IGSF11: variants seen among roughly 807,000 people sequenced by gnomAD.
IGSF11 encodes CXADR like 1.
IGSF11 carries 22 observed loss-of-function variants against 41.0 expected under a neutral mutation model. The ratio of observed to expected loss-of-function variants is 0.54; its 90% CI spans 0.38 to 0.77. The LOEUF (loss-of-function observed/expected upper bound fraction) is 0.77, where lower values mean the gene tolerates loss of function less well. IGSF11 is among the 30% of genes least tolerant of loss of function. The pLI, the probability that IGSF11 is intolerant of heterozygous loss-of-function variation, is 0.00. For missense variants in IGSF11, 444 were observed against 530.8 expected, an observed-to-expected ratio of 0.84 and a Z score of 1.61; for synonymous variants, 219 against 201.3, an observed-to-expected ratio of 1.09 and a Z score of -0.74.
chr3:119,063,342 A>G (rs931010123), intron 1 of IGSF11, among the ~76,000 whole-genome samples: 6 of 152,340 alleles, frequency 3.9e-5, no homozygotes, highest in African/African-American at 1.4e-4. Context: ...GGGAAAGTGG[A>G]TAATTTTTGG....
At chr3:119,051,528 T>TG (rs1363264620) in intron 1 of IGSF11, among the ~76,000 whole-genome samples, 1 of 151,720 alleles carries the variant, frequency 6.6e-6, no homozygotes, top group Admixed American at 6.6e-5. Flanking sequence ...ACAGTAAGAG[T>TG]GGGGGACTTC....
chr3:119,088,415 C>T (rs1245055421), intron 1 of IGSF11, among the ~76,000 whole-genome samples: 1 of 152,056 alleles, frequency 6.6e-6, no homozygotes, highest in Non-Finnish European at 1.5e-5. Context: ...CTCTGGGATG[C>T]AGCTAAAGTA....
At chr3:118,979,952 C>T (rs1576543453) in intron 1 of IGSF11, among the ~76,000 whole-genome samples, 2 of 151,856 alleles carry the variant, frequency 1.3e-5, no homozygotes, top group Non-Finnish European at 2.9e-5. Context: ...AAATCAAAAC[C>T]ACAATGAAGT....
intron 3 of IGSF11, among the ~76,000 whole-genome samples, chr3:118,928,192 T>A (rs905957293): frequency 6.6e-6 from 1 of 152,234 alleles, no homozygotes; most frequent in African/African-American, 2.4e-5. Context: ...TGATTTAATT[T>A]GCTCTCAACA....
intron 1 of IGSF11, among the ~76,000 whole-genome samples, chr3:119,081,785 C>T (rs1330252612): frequency 6.6e-6 from 1 of 152,154 alleles, no homozygotes; most frequent in Non-Finnish European, 1.5e-5. Context: ...AATCTTATTC[C>T]TTACATGGGT....
chr3:119,096,210 C>G (rs1343862356), intron 1 of IGSF11, among the ~76,000 whole-genome samples: 1 of 151,276 alleles, frequency 6.6e-6, no homozygotes, highest in African/African-American at 2.4e-5. Context: ...AGGGTACCTA[C>G]TGGTGGGCAT....
intron 1 of IGSF11, among the ~76,000 whole-genome samples, chr3:119,045,439 G>A (rs962086344): frequency 2.6e-5 from 4 of 152,202 alleles, no homozygotes; most frequent in African/African-American, 9.7e-5. Context: ...TTTGCGACGG[G>A]CTTAAAAAAC....
At position 118,993,627 on chromosome 3, in the gene IGSF11, G is replaced by T. The variant is rs565264310; in HGVS notation, c.52+40904C>A. Among the ~76,000 whole-genome samples the T allele has an allele frequency of 2.0e-5, 3 of 152,146 alleles. No individual in the cohort carries two copies. In the East Asian group the frequency reaches 5.8e-4, roughly 29 times the overall value. ...CCCAAATGTCCATCAACTGATGAAT[G>T]AAAAAATAAAAAGTTATATATCCAT... On this transcript the variant is annotated intron_variant, in intron 1 of 6. Coordinates refer to ENST00000393775, the MANE Select transcript of IGSF11 (RefSeq NM_001015887.3).
chr3:119,053,427 T>A (rs1388049653), intron 1 of IGSF11, among the ~76,000 whole-genome samples: 1 of 151,636 alleles, frequency 6.6e-6, no homozygotes, highest in East Asian at 1.9e-4. Flanking sequence ...TGCAAAAAAA[T>A]AAAATAAAAT....
chr3:119,110,221 GTCTAA>G (rs1490427850), intron 1 of IGSF11, among the ~76,000 whole-genome samples: 10 of 152,064 alleles, frequency 6.6e-5, no homozygotes, highest in African/African-American at 2.4e-4. Context: ...TTGTGTGGGA[GTCTAA>G]GTCTCTTTGT....
chr3:118,948,784 TG>T (rs1189860459), intron 1 of IGSF11, among the ~76,000 whole-genome samples: 1 of 151,598 alleles, frequency 6.6e-6, no homozygotes, highest in Non-Finnish European at 1.5e-5. Context: ...GCTAAAACGG[TG>T]AGACCCCGTT....
chr3:119,132,486 G>A (rs1038812974), intron 1 of IGSF11, among the ~76,000 whole-genome samples: 11 of 150,748 alleles, frequency 7.3e-5, no homozygotes, highest in Non-Finnish European at 8.8e-5. Context: ...AGGCCATTGC[G>A]TAATATTAAA....
At chr3:118,914,102 A>G (rs1257799759) in intron 4 of IGSF11, among the ~76,000 whole-genome samples, 1 of 152,172 alleles carries the variant, frequency 6.6e-6, no homozygotes, top group Non-Finnish European at 1.5e-5. Context: ...TGCATTTGAG[A>G]ACTTTAAGAA....
In IGSF11 at chr3:119,076,544, A is replaced by T. The variant is rs1343706822; in HGVS notation, c.49+28600T>A. 5.9e-5 allele frequency among the ~76,000 whole-genome samples: 9 copies of T among 152,078 alleles called. No individual in the cohort carries two copies. The East Asian group carries it at 1.5e-3, about 26-fold the overall frequency. ...AAGGGCTAATATCCAGAATCTACAAAGAACTCAAACAAATTTACAAGAAAA... is the reference window on the plus strand; with the variant it reads ...AAGGGCTAATATCCAGAATCTACAATGAACTCAAACAAATTTACAAGAAAA... On this transcript the variant is annotated intron_variant, in intron 1 of 6. Transcript: ENST00000354673.
chr3:118,997,219 A>C (rs1356605922), intron 1 of IGSF11, among the ~76,000 whole-genome samples: 1 of 152,238 alleles, frequency 6.6e-6, no homozygotes, highest in African/African-American at 2.4e-5. Context: ...ATCCAAACTG[A>C]CATTTGGCAT....
At chr3:119,060,776 T>C (rs1043367296) in intron 1 of IGSF11, among the ~76,000 whole-genome samples, 1 of 152,174 alleles carries the variant, frequency 6.6e-6, no homozygotes, top group Admixed American at 6.5e-5. Context: ...TGATCAACAA[T>C]TGGAAACTGA....
Position 118,963,204 on chromosome 3 carries a change from A to C in IGSF11, c.53-32929T>G, listed in dbSNP as rs138578264. On this transcript the variant is annotated intron_variant, in intron 1 of 6. Coordinates refer to ENST00000393775, the MANE Select transcript of IGSF11 (RefSeq NM_001015887.3). Reference sequence around the variant, plus strand: ...TCAGATACTCAAATCAGAATCTCAGAGGTAAAACTCAACACTATGTATCCT... The same window carrying C: ...TCAGATACTCAAATCAGAATCTCAGCGGTAAAACTCAACACTATGTATCCT... 1.0e-3 allele frequency among the ~76,000 whole-genome samples: 158 copies of C among 152,282 alleles called. 1 individual carries two copies. The highest frequency in any genetic ancestry group is 3.6e-3 in the African/African-American group (151 of 41,562).
At chr3:119,115,677 T>C (rs2077245881) in intron 1 of IGSF11, among the ~76,000 whole-genome samples, 1 of 152,172 alleles carries the variant, frequency 6.6e-6, no homozygotes, top group Admixed American at 6.5e-5. Context: ...TAGTTGCAAA[T>C]ATTTTCTCTC....
intron 1 of IGSF11, among the ~76,000 whole-genome samples, chr3:118,973,872 G>A (rs1229094975): frequency 6.6e-6 from 1 of 152,104 alleles, no homozygotes; most frequent in Admixed American, 6.6e-5. Flanking sequence ...AACACCGCGT[G>A]TTCTCACTTA....
Sources: gnomAD v4.1 joint callset for allele counts (sites outside exome capture counted in the v4.1 genomes callset) on GRCh38, gnomAD v4.1.1 for gene constraint, MANE v1.5 for transcripts, NCBI Gene and HGNC (gene_info 2026-07-23, HGNC 2026-07-21) for gene names.